The following RAD21 variants were observed in gnomAD, a reference collection of about 807,000 sequenced individuals.
The protein encoded by RAD21 is double-strand-break repair protein rad21 homolog.
A neutral mutation model predicts 71.5 loss-of-function variants in RAD21; 18 were observed. That is an observed-to-expected ratio of 0.25 (90% CI 0.17 to 0.37). The LOEUF is 0.37. Ranked by LOEUF, RAD21 falls within the 10% of genes least tolerant of loss-of-function variation. The pLI, the probability that RAD21 is intolerant of heterozygous loss-of-function variation, is 1.00. For synonymous variants in RAD21, 248 were observed against 254.0 expected (o/e 0.98, Z 0.22); for missense variants, 493 against 769.1 (o/e 0.64, Z 4.25).
chr8:116,860,434 A>G (rs879553843), intron 4 of RAD21, among the ~76,000 whole-genome samples: 1 of 152,182 alleles, frequency 6.6e-6, no homozygotes, highest in Non-Finnish European at 1.5e-5. Context: ...TTGATGCAGC[A>G]AACTTCACTG....
At chr8:116,853,044 C>T (rs1479882231) in intron 9 of RAD21, among the ~76,000 whole-genome samples, 3 of 152,108 alleles carry the variant, frequency 2.0e-5, no homozygotes, top group African/African-American at 7.2e-5. Context: ...ATTGTGTTTT[C>T]TTCCCTTACA....
chr8:116,858,940 T>C (rs1812527177), intron 4 of RAD21, among the ~76,000 whole-genome samples: 1 of 151,838 alleles, frequency 6.6e-6, no homozygotes, highest in African/African-American at 2.4e-5. Flanking sequence ...ATCCAGAACA[T>C]TAATACCTCA....
chr8:116,860,487 G>C (rs1045719989), intron 4 of RAD21, among the ~76,000 whole-genome samples: 1 of 152,142 alleles, frequency 6.6e-6, no homozygotes, highest in African/African-American at 2.4e-5. Flanking sequence ...TCAAACTTCA[G>C]CAACCACCAC....
chr8:116,858,542 A>G (rs1466450862), intron 4 of RAD21, 84 bp from the exon 5 acceptor site: 1 of 1,077,740 alleles, frequency 9.3e-7, no homozygotes. Context: ...AGAAAAATTA[A>G]AAAAATATAT....
rs551843436 is a variant in RAD21, at chr8:116,863,010, G to A, written c.274+120C>T. The A allele has an allele frequency of 8.1e-4, 1,057 of 1,297,716 alleles. 4 individuals carry two copies. The highest frequency in any genetic ancestry group is 1.5e-3 in the South Asian group (93 of 60,374). 80.4% of individuals were successfully genotyped at this position (1,297,716 alleles called of 1,614,324 possible). ...TTGCTCTATCTTTGAAGGGTTCCTC[G>A]TATTTCAATTAAAACAAAGCATGTA... is the stretch of plus-strand genomic sequence containing the variant. On this transcript the variant is annotated intron_variant, in intron 3 of 13. Transcript: ENST00000297338.
chr8:116,862,993 T>C, intron 3 of RAD21, 137 bp downstream of exon 3: 7 of 1,175,308 alleles, frequency 6.0e-6, no homozygotes, highest in Non-Finnish European at 8.1e-6. Context: ...CCTTGCTCTA[T>C]CTTTGAAGGG....
chr8:116,852,243 A>G (rs1812365088), intron 10 of RAD21, 147 bp from the exon 11 acceptor site: 1 of 803,750 alleles, frequency 1.2e-6, no homozygotes, highest in African/African-American at 1.7e-5. Context: ...CTCCATAAAG[A>G]TTTACTCAAT....
At chr8:116,850,574 G>A (rs1170372394) in intron 12 of RAD21, 44 bp downstream of exon 12, 2 of 1,591,574 alleles carry the variant, frequency 1.3e-6, no homozygotes, top group Non-Finnish European at 1.7e-6. Flanking sequence ...AAGCTGGTTG[G>A]AGGTTTTTGC....
At chr8:116,853,843 C>CA (rs1002411920) in intron 9 of RAD21, among the ~76,000 whole-genome samples, 2 of 150,736 alleles carry the variant, frequency 1.3e-5, no homozygotes, top group African/African-American at 4.9e-5. Context: ...AACAAACAAA[C>CA]AAAAAAACAA....
At chr8:116,859,422 G>T (rs16888952) in intron 4 of RAD21, among the ~76,000 whole-genome samples, 1 of 151,860 alleles carries the variant, frequency 6.6e-6, no homozygotes, top group East Asian at 1.9e-4. Context: ...TAGTAGACAT[G>T]GGGGGGCGGG....
At chr8:116,873,382 ATAAT>A (rs1400367538) in intron 1 of RAD21, among the ~76,000 whole-genome samples, 19 of 152,366 alleles carry the variant, frequency 1.2e-4, no homozygotes, top group African/African-American at 4.6e-4. Flanking sequence ...CTTTCCAAAA[ATAAT>A]TAGTTGCCTC....
At chr8:116,862,790 T>C (rs1360873257) in intron 3 of RAD21, among the ~76,000 whole-genome samples, 1 of 152,172 alleles carries the variant, frequency 6.6e-6, no homozygotes, top group Admixed American at 6.6e-5. Context: ...TTCTGAGCTA[T>C]ATTTTAAAAA....
intron 1 of RAD21, among the ~76,000 whole-genome samples, chr8:116,867,980 T>A (rs1487547958): frequency 6.6e-6 from 1 of 152,194 alleles, no homozygotes; most frequent in African/African-American, 2.4e-5. Flanking sequence ...ATCACATTCA[T>A]CCCTCTCTCT....
chr8:116,868,292 G>C (rs1313418147), intron 1 of RAD21, among the ~76,000 whole-genome samples: 1 of 152,192 alleles, frequency 6.6e-6, no homozygotes, highest in Non-Finnish European at 1.5e-5. Flanking sequence ...CTAGCACAAT[G>C]CTTCTGTGAT....
intron 1 of RAD21, among the ~76,000 whole-genome samples, chr8:116,870,854 G>C (rs542565511): frequency 2.6e-5 from 4 of 152,284 alleles, no homozygotes; most frequent in Non-Finnish European, 5.9e-5. Flanking sequence ...AAAAATTTTA[G>C]ACGTTTTAAA....
intron 4 of RAD21, 74 bp downstream of exon 4, chr8:116,861,767 C>G (rs1249991474): frequency 1.8e-5 from 19 of 1,049,352 alleles, no homozygotes; most frequent in Admixed American, 1.5e-4. Context: ...CCAAGGAAAA[C>G]TATACATTTG....
At chr8:116,847,739 T>C (rs1156978321) in intron 13 of RAD21, 48 bp from the exon 14 acceptor site, 3 of 1,486,388 alleles carry the variant, frequency 2.0e-6, no homozygotes, top group Non-Finnish European at 2.7e-6. Flanking sequence ...AATAAAGTAG[T>C]AATTCAGTGA....
At position 116,863,121 on chromosome 8, in the gene RAD21, TA is replaced by T. The variant is rs1812624785; in HGVS notation, c.274+8del. 2.5e-6 allele frequency: 4 copies of T among 1,596,192 alleles called. No individual in the cohort carries two copies. In the African/African-American group the frequency reaches 5.4e-5, roughly 21 times the overall value. ...AACAACAACAAAAACCAAACAAGTT[TA>T]ACAATACCTGGCCGAAAAGCCATCT... On this transcript the variant is annotated splice_region_variant and intron_variant, in intron 3 of 13. Transcript: ENST00000297338.
rs35546127 is a variant in RAD21 at position 116,855,998 on chromosome 8, G to GC, written c.937+167dup. Among the ~76,000 whole-genome samples, 16,772 of 151,922 alleles carry GC rather than the reference G, an allele frequency of 0.11. 2,031 individuals carry two copies. Among genetic ancestry groups the GC allele is most frequent in the African/African-American group, 0.3 (12,417 of 41,356 alleles). On this transcript the variant is annotated intron_variant, in intron 8 of 13. Transcript: ENST00000297338. Reference sequence around the variant, plus strand: ...GATGACTGTGACATAAAAGCAAGAAGCTAGTTAACTAAAGCAACAGTAGCA... The same window carrying GC: ...GATGACTGTGACATAAAAGCAAGAAGCCTAGTTAACTAAAGCAACAGTAGCA...
Sources: gnomAD v4.1 joint callset for allele counts (sites outside exome capture counted in the v4.1 genomes callset) on GRCh38, gnomAD v4.1.1 for gene constraint, MANE v1.5 for transcripts, NCBI Gene and HGNC (gene_info 2026-07-23, HGNC 2026-07-21) for gene names.